The following SUGCT variants were observed in gnomAD, a reference collection of about 807,000 sequenced individuals.
SUGCT encodes succinyl-CoA:glutarate CoA-transferase.
Under a neutral mutation model 55.0 loss-of-function variants are expected in SUGCT, and 41 were observed. The ratio of observed to expected loss-of-function variants is 0.74; its 90% CI spans 0.58 to 0.97. SUGCT has a LOEUF of 0.97. Among genes scored for constraint, SUGCT ranks in the 50% least tolerant of loss-of-function variants. The pLI, the probability that SUGCT is intolerant of heterozygous loss-of-function variation, is 0.00. For missense variants in SUGCT, 568 were observed against 547.8 expected (o/e 1.04, Z -0.37); for synonymous variants, 187 against 200.4 (o/e 0.93, Z 0.56).
At chr7:40,303,081 TG>T (rs1205783849) in intron 8 of SUGCT, among the ~76,000 whole-genome samples, 1 of 152,160 alleles carries the variant, frequency 6.6e-6, no homozygotes, top group Non-Finnish European at 1.5e-5. Flanking sequence ...TCACCCAGGC[TG>T]GAGTGCAGTG....
chr7:40,760,276 AGAGTT>A (rs1159516466), intron 13 of SUGCT, among the ~76,000 whole-genome samples: 5 of 152,188 alleles, frequency 3.3e-5, no homozygotes, highest in Non-Finnish European at 7.3e-5. Flanking sequence ...TTGGTATAAT[AGAGTT>A]AAGATGATTT....
intron 8 of SUGCT, among the ~76,000 whole-genome samples, chr7:40,310,419 A>G (rs180680120): frequency 2.8e-4 from 42 of 152,316 alleles, no homozygotes; most frequent in African/African-American, 9.4e-4. Context: ...ACTAAATACA[A>G]TGTGGTATCC....
chr7:40,321,603 G>A (rs147608455), intron 9 of SUGCT, among the ~76,000 whole-genome samples: 7 of 145,174 alleles, frequency 4.8e-5, no homozygotes, highest in East Asian at 2.1e-4. Context: ...GGCTGGTCTC[G>A]AATGCCTGAC....
intron 13 of SUGCT, among the ~76,000 whole-genome samples, chr7:40,827,948 C>A (rs2128773879): frequency 6.6e-6 from 1 of 152,226 alleles, no homozygotes; most frequent in Non-Finnish European, 1.5e-5. Flanking sequence ...GTCTTGAAAA[C>A]CAATCCTGTC....
chr7:40,584,376 T>G (rs946576289), intron 12 of SUGCT, among the ~76,000 whole-genome samples: 5 of 152,162 alleles, frequency 3.3e-5, no homozygotes, highest in African/African-American at 1.2e-4. Context: ...GAAAGTTCCT[T>G]GGATCAGAAA....
chr7:40,432,295 A>T (rs1583663085), intron 9 of SUGCT, among the ~76,000 whole-genome samples: 1 of 152,194 alleles, frequency 6.6e-6, no homozygotes, highest in Admixed American at 6.5e-5. Flanking sequence ...ACATTATCCT[A>T]TTCCCTTCTG....
intron 7 of SUGCT, among the ~76,000 whole-genome samples, chr7:40,247,432 A>G (rs527255217): frequency 6.6e-6 from 1 of 151,984 alleles, no homozygotes; most frequent in South Asian, 2.1e-4. Flanking sequence ...ATATTTTTGT[A>G]TTTTTAGTAG....
At chr7:40,488,596 TACTC>T (rs1791515767) in intron 11 of SUGCT, among the ~76,000 whole-genome samples, 1 of 152,212 alleles carries the variant, frequency 6.6e-6, no homozygotes, top group South Asian at 2.1e-4. Flanking sequence ...TTTTTCATAT[TACTC>T]ACTCATGTCC....
intron 9 of SUGCT, among the ~76,000 whole-genome samples, chr7:40,339,841 G>A (rs1245354793): frequency 5.3e-5 from 8 of 152,172 alleles, no homozygotes; most frequent in South Asian, 2.1e-4. Flanking sequence ...CATCACTTAC[G>A]CTGGGAGCTG....
intron 12 of SUGCT, among the ~76,000 whole-genome samples, chr7:40,528,627 AC>A (rs1793926323): frequency 6.6e-6 from 1 of 152,142 alleles, no homozygotes; most frequent in South Asian, 2.1e-4. Flanking sequence ...CTTAAGAATG[AC>A]CCAAGTAAAA....
chr7:40,963,685 A>C, the SUGCT span, among the ~76,000 whole-genome samples: 3 of 152,172 alleles, frequency 2.0e-5, no homozygotes, highest in South Asian at 6.2e-4. Context: ...TATATCGATA[A>C]TCCTAGTATG....
intron 12 of SUGCT, among the ~76,000 whole-genome samples, chr7:40,599,242 G>C (rs1367709156): frequency 1.3e-5 from 2 of 152,148 alleles, no homozygotes; most frequent in African/African-American, 2.4e-5. Flanking sequence ...GGTTGGGAGA[G>C]GGTTTCTCAG....
chr7:40,294,810 G>A (rs1464978052), intron 8 of SUGCT, among the ~76,000 whole-genome samples: 1 of 152,148 alleles, frequency 6.6e-6, no homozygotes, highest in Non-Finnish European at 1.5e-5. Context: ...GCCTCCCAAA[G>A]TGCTGGGATT....
At chr7:40,781,139 G>A (rs930726704) in intron 13 of SUGCT, among the ~76,000 whole-genome samples, 1 of 151,918 alleles carries the variant, frequency 6.6e-6, no homozygotes, top group Non-Finnish European at 1.5e-5. Flanking sequence ...GTATCAGCTC[G>A]CTGCTTCTCC....
intron 13 of SUGCT, among the ~76,000 whole-genome samples, chr7:40,838,052 A>G (rs1189494240): frequency 6.6e-6 from 1 of 152,156 alleles, no homozygotes; most frequent in African/African-American, 2.4e-5. Context: ...GCTAAACATC[A>G]ACTGGATATG....
At chr7:40,441,114 C>T (rs1281891449) in intron 9 of SUGCT, among the ~76,000 whole-genome samples, 1 of 152,096 alleles carries the variant, frequency 6.6e-6, no homozygotes, top group Non-Finnish European at 1.5e-5. Context: ...TACCCAGAGC[C>T]TAGCACATAG....
At chr7:40,681,491 A>G (rs1388783939) in intron 12 of SUGCT, among the ~76,000 whole-genome samples, 1 of 152,160 alleles carries the variant, frequency 6.6e-6, no homozygotes, top group Non-Finnish European at 1.5e-5. Context: ...GTAAGACCAG[A>G]TACCACACCG....
chr7:40,533,934 G>T (rs951562806), intron 12 of SUGCT, among the ~76,000 whole-genome samples: 1 of 150,140 alleles, frequency 6.7e-6, no homozygotes, highest in South Asian at 2.1e-4. Flanking sequence ...GGAACAGTTT[G>T]CAATTCTTTA....
At chr7:41,029,568 C>T in the SUGCT span, among the ~76,000 whole-genome samples, 1 of 152,116 alleles carries the variant, frequency 6.6e-6, no homozygotes, top group Non-Finnish European at 1.5e-5. Context: ...AAAACCCATG[C>T]CAGAGACTTT....
Sources: gnomAD v4.1 joint callset for allele counts (sites outside exome capture counted in the v4.1 genomes callset) on GRCh38, gnomAD v4.1.1 for gene constraint, MANE v1.5 for transcripts, NCBI Gene and HGNC (gene_info 2026-07-23, HGNC 2026-07-21) for gene names.